The following SCFD2 variants were observed in gnomAD, a reference collection of about 807,000 sequenced individuals.
SCFD2 encodes sec1 family domain-containing protein 2.
Under a neutral mutation model 58.9 loss-of-function variants are expected in SCFD2, and 54 were observed. The ratio of observed to expected loss-of-function variants is 0.92; its 90% CI spans 0.74 to 1.15. SCFD2 has a LOEUF of 1.15. Ranked by LOEUF, SCFD2 falls within the 50% of genes most tolerant of loss-of-function variation. The pLI is 0.00. For synonymous variants in SCFD2, 321 were observed against 335.9 expected (o/e 0.96, Z 0.49); for missense variants, 805 against 836.6 (o/e 0.96, Z 0.47).
chr4:53,169,672 G>T (rs1367875495), intron 4 of SCFD2, among the ~76,000 whole-genome samples: 1 of 152,180 alleles, frequency 6.6e-6, no homozygotes, highest in East Asian at 1.9e-4. Flanking sequence ...AGTGCGTACA[G>T]ATTCCCTTTT....
chr4:53,224,513 T>A (rs1206305390), intron 4 of SCFD2, among the ~76,000 whole-genome samples: 1 of 152,222 alleles, frequency 6.6e-6, no homozygotes, highest in Non-Finnish European at 1.5e-5. Context: ...AGGCCATGCG[T>A]AGGCACTGCA....
intron 4 of SCFD2, among the ~76,000 whole-genome samples, chr4:53,224,387 T>TC (rs71662208): frequency 0.69 from 96,559 of 140,722 alleles, 33,081 homozygotes; most frequent in Middle Eastern, 0.78. Context: ...AGACTCCGTC[T>TC]CAAAAAAAAA....
chr4:53,089,598 CA>C (rs909237629), intron 5 of SCFD2, among the ~76,000 whole-genome samples: 6 of 152,002 alleles, frequency 3.9e-5, no homozygotes, highest in African/African-American at 1.4e-4. Context: ...ATAAAGTAGG[CA>C]AATTAAATAT....
At chr4:53,182,505 A>C (rs1727602529) in intron 4 of SCFD2, among the ~76,000 whole-genome samples, 1 of 152,238 alleles carries the variant, frequency 6.6e-6, no homozygotes, top group East Asian at 1.9e-4. Flanking sequence ...AATGAATTCA[A>C]GATGGATTAA....
At chr4:53,268,669 C>T (rs575419023) in intron 4 of SCFD2, among the ~76,000 whole-genome samples, 69 of 152,000 alleles carry the variant, frequency 4.5e-4, no homozygotes, top group African/African-American at 1.5e-3. Context: ...ATGAGGAGGG[C>T]CTCTATGAAG....
intron 8 of SCFD2, among the ~76,000 whole-genome samples, chr4:52,880,410 GT>G (rs1023601501): frequency 1.3e-4 from 19 of 151,878 alleles, no homozygotes; most frequent in Admixed American, 1.2e-3. Context: ...TGAGGTAGGA[GT>G]TCAAGACCAG....
At chr4:52,888,940 A>G (rs1467882017) in intron 7 of SCFD2, among the ~76,000 whole-genome samples, 1 of 152,204 alleles carries the variant, frequency 6.6e-6, no homozygotes. Context: ...TCTGAACTCA[A>G]CAGGTTTCAA....
At chr4:52,910,048 A>G (rs184384838) in intron 6 of SCFD2, among the ~76,000 whole-genome samples, 7 of 152,350 alleles carry the variant, frequency 4.6e-5, no homozygotes, top group Non-Finnish European at 8.8e-5. Context: ...CGGCACTATC[A>G]TCAAATAATA....
At chr4:53,029,645 C>G (rs1338896491) in intron 5 of SCFD2, among the ~76,000 whole-genome samples, 1 of 152,182 alleles carries the variant, frequency 6.6e-6, no homozygotes, top group African/African-American at 2.4e-5. Flanking sequence ...ATTCTTAACT[C>G]TGGAACAGAA....
intron 5 of SCFD2, among the ~76,000 whole-genome samples, chr4:53,004,561 T>C (rs1454139717): frequency 1.3e-5 from 2 of 152,168 alleles, no homozygotes; most frequent in African/African-American, 4.8e-5. Flanking sequence ...CTAAGGCACG[T>C]AGATGTTAAG....
chr4:53,130,258 C>T (rs1418115967), intron 5 of SCFD2, among the ~76,000 whole-genome samples: 9 of 152,128 alleles, frequency 5.9e-5, no homozygotes, highest in Admixed American at 2.6e-4. Flanking sequence ...GTTTTTAAGA[C>T]ACTAGAGGAA....
At chr4:52,898,361 C>T (rs535790255) in intron 7 of SCFD2, among the ~76,000 whole-genome samples, 1 of 152,134 alleles carries the variant, frequency 6.6e-6, no homozygotes, top group Non-Finnish European at 1.5e-5. Flanking sequence ...TGTCTTTGTT[C>T]TCATTGGTTT....
intron 5 of SCFD2, among the ~76,000 whole-genome samples, chr4:53,054,997 C>G (rs1404648162): frequency 1.3e-5 from 2 of 152,062 alleles, no homozygotes; most frequent in Non-Finnish European, 2.9e-5. Context: ...GGGAGAGAAG[C>G]AGCAATAACA....
intron 4 of SCFD2, among the ~76,000 whole-genome samples, chr4:53,236,570 C>T (rs1156295800): frequency 6.7e-6 from 1 of 149,896 alleles, no homozygotes; most frequent in African/African-American, 2.4e-5. Flanking sequence ...ATAAAGTTAA[C>T]TAACTTTGAG....
chr4:52,916,317 C>G (rs879842063), intron 6 of SCFD2, among the ~76,000 whole-genome samples: 7 of 152,328 alleles, frequency 4.6e-5, no homozygotes, highest in Non-Finnish European at 8.8e-5. Context: ...TGCCTGTAAT[C>G]CCAGCATTTT....
At chr4:53,214,258 T>A (rs1488689333) in intron 4 of SCFD2, among the ~76,000 whole-genome samples, 4 of 152,134 alleles carry the variant, frequency 2.6e-5, no homozygotes, top group African/African-American at 7.2e-5. Flanking sequence ...TTGAACTAGT[T>A]TACAATCCCA....
At chr4:53,326,629 T>C (rs1189158252) in intron 2 of SCFD2, among the ~76,000 whole-genome samples, 1 of 152,010 alleles carries the variant, frequency 6.6e-6, no homozygotes. Context: ...TAAAACCATA[T>C]ACAAGACAAA....
rs1719358584 is a variant in SCFD2, at chr4:52,906,789, G to A, written c.1842+668C>T. Among the ~76,000 whole-genome samples the A allele has an allele frequency of 2.0e-5, 3 of 152,220 alleles. No homozygotes were observed. The South Asian group carries it at 6.2e-4, about 32-fold the overall frequency. ...GCAAAACATTCTGTTACTTCCAAGA[G>A]TTATTACAAGTGAAATCCTGGCATG... On this transcript the variant is annotated intron_variant, in intron 7 of 8. Transcript: ENST00000401642.
chr4:53,081,990 CATA>C (rs1439320773), intron 5 of SCFD2, among the ~76,000 whole-genome samples: 2 of 152,108 alleles, frequency 1.3e-5, no homozygotes, highest in African/African-American at 4.8e-5. Flanking sequence ...TTTAATGTAG[CATA>C]ATGTTTTTAA....
Sources: gnomAD v4.1 joint callset for allele counts (sites outside exome capture counted in the v4.1 genomes callset) on GRCh38, gnomAD v4.1.1 for gene constraint, MANE v1.5 for transcripts, NCBI Gene and HGNC (gene_info 2026-07-23, HGNC 2026-07-21) for gene names.